PKNOX2: variants seen among roughly 807,000 people sequenced by gnomAD.
PKNOX2 encodes PBX/knotted 1 homeobox 2.
PKNOX2 carries 14 observed loss-of-function variants against 53.1 expected under a neutral mutation model. The observed-to-expected ratio is 0.26, with a 90% CI of 0.17 to 0.41. PKNOX2 has a LOEUF of 0.41. Ranked by LOEUF, PKNOX2 falls within the 10% of genes least tolerant of loss-of-function variation. The pLI is 1.00. For missense variants in PKNOX2, 496 were observed against 602.8 expected (o/e 0.82, Z 1.85); for synonymous variants, 257 against 242.8 (o/e 1.06, Z -0.54).
chr11:125,369,235 A>G (rs1021716333), intron 5 of PKNOX2, among the ~76,000 whole-genome samples: 1 of 152,226 alleles, frequency 6.6e-6, no homozygotes, highest in Admixed American at 6.5e-5. Context: ...GGGGCCTCCC[A>G]GGCCCAGGAG....
chr11:125,327,531 A>T (rs1949897277), intron 2 of PKNOX2, among the ~76,000 whole-genome samples: 1 of 152,184 alleles, frequency 6.6e-6, no homozygotes, highest in South Asian at 2.1e-4. Flanking sequence ...TCAGAGAGGA[A>T]GAGCTCTGCA....
chr11:125,351,200 C>CG (rs1951289849), intron 3 of PKNOX2, 84 bp from the exon 4 acceptor site: 1 of 732,946 alleles, frequency 1.4e-6, no homozygotes. Context: ...GGTGGCCCAG[C>CG]GGGGGACACA....
At position 125,166,426 on chromosome 11, in the gene PKNOX2, G is replaced by T. The variant is rs1255105462; in HGVS notation, c.-201+1650G>T. On this transcript the variant is annotated intron_variant, in intron 1 of 12. Transcript: ENST00000298282. This position sits in a 1 kb window ranked among gnomAD's most constrained non-coding sequence, Gnocchi z 4.0. ...GGCCACACAGGACCCGGTCCTAAGA[G>T]AGCGATTCCGGGAAGCGGACAGATC... 6.6e-6 allele frequency among the ~76,000 whole-genome samples: 1 copy of T among 152,234 alleles called. No homozygotes were observed. The highest frequency in any genetic ancestry group is 1.5e-5 in the Non-Finnish European group (1 of 68,036).
chr11:125,315,303 GAAAAAAAAAAAAAA>G (rs534448203), intron 2 of PKNOX2, among the ~76,000 whole-genome samples: 1 of 79,456 alleles, frequency 1.3e-5, no homozygotes, highest in Non-Finnish European at 2.7e-5. Context: ...TGTGAAGCAG[GAAAAAAAAAAAAAA>G]AAAAAAAAAA....
chr11:125,377,158 C>T (rs191624076), intron 5 of PKNOX2, among the ~76,000 whole-genome samples: 91 of 152,348 alleles, frequency 6.0e-4, no homozygotes, highest in Non-Finnish European at 1.1e-3. Flanking sequence ...CAGACACTCT[C>T]CATGTTTCTT....
chr11:125,243,628 T>C (rs1373875398), intron 2 of PKNOX2, among the ~76,000 whole-genome samples: 1 of 151,426 alleles, frequency 6.6e-6, no homozygotes, highest in African/African-American at 2.4e-5. Flanking sequence ...ACTTTCTTTT[T>C]TTTTTTTTTT....
At chr11:125,305,736 G>A (rs536177290) in intron 2 of PKNOX2, among the ~76,000 whole-genome samples, 1 of 152,336 alleles carries the variant, frequency 6.6e-6, no homozygotes, top group East Asian at 1.9e-4. Flanking sequence ...GTGGAAGGGA[G>A]GGGAGAGAAG....
chr11:125,402,106 C>T (rs1033789285), intron 7 of PKNOX2, among the ~76,000 whole-genome samples: 5 of 152,220 alleles, frequency 3.3e-5, no homozygotes, highest in African/African-American at 7.2e-5. Context: ...GCTCGGCCTT[C>T]GATTTCTCTG....
At chr11:125,314,496 A>C (rs140979554) in intron 2 of PKNOX2, among the ~76,000 whole-genome samples, 1 of 152,044 alleles carries the variant, frequency 6.6e-6, no homozygotes, top group Non-Finnish European at 1.5e-5. Context: ...GCTTCCCCGC[A>C]TGCTTTTGCT....
chr11:125,360,644 G>GT (rs1951873582), intron 4 of PKNOX2, among the ~76,000 whole-genome samples: 1 of 152,174 alleles, frequency 6.6e-6, no homozygotes, highest in Non-Finnish European at 1.5e-5. Context: ...TGCAGAATGG[G>GT]TTCCTTCAGC....
chr11:125,240,814 C>T lies in PKNOX2; in HGVS notation c.-130+5699C>T, dbSNP rs1300726609. ...ACTAGTGATGGTGTAGGGTCCCCTC[C>T]TCTTGCCTTTGCAGTTAGCCAGCCA... On this transcript the variant is annotated intron_variant, in intron 2 of 12. Coordinates refer to ENST00000298282, the MANE Select transcript of PKNOX2 (RefSeq NM_001382323.2). This position sits in a 1 kb window ranked among gnomAD's most constrained non-coding sequence, Gnocchi z 4.3. 2.0e-5 allele frequency among the ~76,000 whole-genome samples: 3 copies of T among 152,238 alleles called. No homozygotes were observed. Among genetic ancestry groups the T allele is most frequent in the South Asian group, 4.1e-4 (2 of 4,822 alleles).
intron 1 of PKNOX2, among the ~76,000 whole-genome samples, chr11:125,172,031 A>G (rs1955358349): frequency 6.6e-6 from 1 of 152,176 alleles, no homozygotes; most frequent in African/African-American, 2.4e-5. Context: ...TTCTGGGAGG[A>G]AGGGAGCCTC....
At chr11:125,260,462 G>T (rs1039961296) in intron 2 of PKNOX2, among the ~76,000 whole-genome samples, 1 of 151,924 alleles carries the variant, frequency 6.6e-6, no homozygotes, top group Non-Finnish European at 1.5e-5. Flanking sequence ...CTCCCAAAGT[G>T]CTGGGATTAC....
intron 1 of PKNOX2, among the ~76,000 whole-genome samples, chr11:125,223,995 G>C (rs1247337663): frequency 6.6e-6 from 1 of 152,236 alleles, no homozygotes; most frequent in East Asian, 1.9e-4. Flanking sequence ...TGTTACTGGC[G>C]ATCTTGCACA....
chr11:125,401,637 T>C (rs914039611), intron 7 of PKNOX2, among the ~76,000 whole-genome samples: 8 of 152,136 alleles, frequency 5.3e-5, no homozygotes, highest in African/African-American at 1.9e-4. Flanking sequence ...GGGCCGGGCT[T>C]GCATGGGCTC....
At chr11:125,209,294 G>C (rs1212818822) in intron 1 of PKNOX2, among the ~76,000 whole-genome samples, 2 of 152,070 alleles carry the variant, frequency 1.3e-5, no homozygotes, top group Non-Finnish European at 2.9e-5. Flanking sequence ...TGCTGGGCCA[G>C]TGTTCTTTCC....
At chr11:125,270,039 C>T (rs187196345) in intron 2 of PKNOX2, among the ~76,000 whole-genome samples, 3 of 152,316 alleles carry the variant, frequency 2.0e-5, no homozygotes, top group Admixed American at 1.3e-4. Context: ...ATTCCACCAT[C>T]GCCTCTGCTC....
At chr11:125,300,063 C>T (rs1391985188) in intron 2 of PKNOX2, among the ~76,000 whole-genome samples, 1 of 152,222 alleles carries the variant, frequency 6.6e-6, no homozygotes, top group Non-Finnish European at 1.5e-5. Flanking sequence ...ACCGGCCTGT[C>T]AACCAGCATC....
chr11:125,429,145 G>T (rs1956575085), intron 11 of PKNOX2, 57 bp downstream of exon 11: 5 of 1,491,470 alleles, frequency 3.4e-6, no homozygotes, highest in Non-Finnish European at 4.7e-6. Context: ...CTTCTGGGCA[G>T]GGGAATGCGT....
Sources: gnomAD v4.1 joint callset for allele counts (sites outside exome capture counted in the v4.1 genomes callset) on GRCh38, gnomAD v4.1.1 for gene constraint, Gnocchi (gnomAD v3.1) non-coding constraint, MANE v1.5 for transcripts, NCBI Gene and HGNC (gene_info 2026-07-23, HGNC 2026-07-21) for gene names.